ABCC1: variants seen among roughly 807,000 people sequenced by gnomAD.
The protein encoded by ABCC1 is ATP binding cassette subfamily C member 1 (ABCC1 blood group).
Under a neutral mutation model 172.9 loss-of-function variants are expected in ABCC1, and 83 were observed. That is an observed-to-expected ratio of 0.48 (90% CI 0.40 to 0.58). The LOEUF is 0.58. Ranked by LOEUF, ABCC1 falls within the 20% of genes least tolerant of loss-of-function variation. The pLI is 0.00. For missense variants in ABCC1, 1,817 were observed against 2,002.7 expected, an observed-to-expected ratio of 0.91 and a Z score of 1.77; for synonymous variants, 937 against 825.2, an observed-to-expected ratio of 1.14 and a Z score of -2.32.
intron 12 of ABCC1, among the ~76,000 whole-genome samples, chr16:16,058,635 CTTG>C (rs900825138): frequency 3.3e-5 from 5 of 152,196 alleles, no homozygotes; most frequent in Non-Finnish European, 7.4e-5. Flanking sequence ...ACCTGGAGAG[CTTG>C]TTATTATATT....
At chr16:16,117,010 C>T (rs1019601129) in intron 23 of ABCC1, among the ~76,000 whole-genome samples, 2 of 152,084 alleles carry the variant, frequency 1.3e-5, no homozygotes, top group African/African-American at 4.8e-5. Context: ...TGATTCACAC[C>T]GCGGATGGGA....
intron 5 of ABCC1, among the ~76,000 whole-genome samples, chr16:16,020,147 C>T (rs2048144866): frequency 6.6e-6 from 1 of 152,198 alleles, no homozygotes; most frequent in Non-Finnish European, 1.5e-5. Flanking sequence ...GTCTCGATCT[C>T]CTGACTTCAA....
At chr16:16,022,542 A>G (rs1172548110) in intron 5 of ABCC1, among the ~76,000 whole-genome samples, 3 of 152,098 alleles carry the variant, frequency 2.0e-5, no homozygotes, top group Non-Finnish European at 4.4e-5. Flanking sequence ...GGAATGCTCG[A>G]CATCCCCCGG....
chr16:16,035,221 G>A (rs1025164342), intron 6 of ABCC1, among the ~76,000 whole-genome samples: 11 of 152,114 alleles, frequency 7.2e-5, no homozygotes, highest in African/African-American at 2.7e-4. Flanking sequence ...GGCCTACATG[G>A]TGAAACCCTG....
intron 1 of ABCC1, among the ~76,000 whole-genome samples, chr16:15,963,579 T>C (rs187589823): frequency 6.6e-6 from 1 of 152,334 alleles, no homozygotes; most frequent in East Asian, 1.9e-4. Flanking sequence ...ACCTCAGTTC[T>C]TTAGTTCTAT....
At chr16:15,987,853 T>C (rs2046776361) in intron 1 of ABCC1, among the ~76,000 whole-genome samples, 1 of 152,250 alleles carries the variant, frequency 6.6e-6, no homozygotes, top group Admixed American at 6.5e-5. Flanking sequence ...ATGCCAGGCC[T>C]GGTCTGACTT....
intron 20 of ABCC1, among the ~76,000 whole-genome samples, chr16:16,106,014 C>T (rs1199825306): frequency 6.6e-6 from 1 of 151,688 alleles, no homozygotes; most frequent in Non-Finnish European, 1.5e-5. Flanking sequence ...GTAGTTGGGA[C>T]TGCAGGTGCA....
At position 16,074,546 on chromosome 16, in the gene ABCC1, C is replaced by T. The variant is rs916975663; in HGVS notation, c.1913-1780C>T. Among the ~76,000 whole-genome samples the T allele has an allele frequency of 3.5e-4, 53 of 152,160 alleles. 1 individual carries two copies. The highest frequency in any genetic ancestry group is 8.5e-4 in the Admixed American group (13 of 15,272). On this transcript the variant is annotated intron_variant, in intron 14 of 30. Coordinates refer to ENST00000399410, the MANE Select transcript of ABCC1 (RefSeq NM_004996.4). ...AACCCCTAGGCCCCTGGGTGCCGCC[C>T]GCACCCCAGCCCCTCCTTCCTGCCC...
rs530691698 is a variant in ABCC1, at chr16:16,038,412, C to A, written c.809+1809C>A. On this transcript the variant is annotated intron_variant, in intron 7 of 30. Coordinates refer to ENST00000399410, the MANE Select transcript of ABCC1 (RefSeq NM_004996.4). ...AGAACCTGGAGTCATTGGGTAAGTC[C>A]CAGAGGCCAGAAATCCTGGAGTTCT... 7.2e-5 allele frequency among the ~76,000 whole-genome samples: 11 copies of A among 152,208 alleles called. No individual in the cohort carries two copies. In the South Asian group the frequency reaches 2.3e-3, roughly 32 times the overall value.
rs547323287 is a variant in ABCC1 at position 16,037,837 on chromosome 16, A to G, written c.809+1234A>G. Reference sequence around the variant, plus strand: ...TCCATGTGCCAGCCACTAGGACATCAGCAGAGGACCTCGTGACTCCGGTCG... The same window carrying G: ...TCCATGTGCCAGCCACTAGGACATCGGCAGAGGACCTCGTGACTCCGGTCG... On this transcript the variant is annotated intron_variant, in intron 7 of 30. Coordinates refer to ENST00000399410, the MANE Select transcript of ABCC1 (RefSeq NM_004996.4). Among the ~76,000 whole-genome samples the G allele has an allele frequency of 1.4e-4, 22 of 152,350 alleles. No homozygotes were observed. The East Asian group carries it at 4.3e-3, about 29-fold the overall frequency.
At chr16:16,057,652 A>G (rs910936582) in intron 12 of ABCC1, among the ~76,000 whole-genome samples, 1 of 152,208 alleles carries the variant, frequency 6.6e-6, no homozygotes, top group Non-Finnish European at 1.5e-5. Flanking sequence ...ATGGACAAGC[A>G]TATAGGTATT....
intron 5 of ABCC1, among the ~76,000 whole-genome samples, chr16:16,030,208 G>A (rs200231460): frequency 3.9e-5 from 6 of 152,060 alleles, no homozygotes; most frequent in South Asian, 2.1e-4. Context: ...TATTTCCAGC[G>A]TCAATATGAA....
At chr16:16,135,502 A>G (rs1316532124) in intron 28 of ABCC1, among the ~76,000 whole-genome samples, 2 of 151,884 alleles carry the variant, frequency 1.3e-5, no homozygotes, top group African/African-American at 4.8e-5. Context: ...TCACTCTGTC[A>G]CCCAGTGCAG....
At chr16:15,962,946 A>T (rs1237302722) in intron 1 of ABCC1, among the ~76,000 whole-genome samples, 1 of 152,192 alleles carries the variant, frequency 6.6e-6, no homozygotes, top group East Asian at 1.9e-4. Context: ...TTCAGCATTA[A>T]CTCAAAAGTC....
intron 1 of ABCC1, among the ~76,000 whole-genome samples, chr16:15,999,813 T>TCTCTCTCTC (rs2047209074): frequency 2.7e-4 from 15 of 55,110 alleles, no homozygotes; most frequent in African/African-American, 9.0e-4. Flanking sequence ...CTCTCTCCTC[T>TCTCTCTCTC]CTCTCTCTCT....
At chr16:16,061,391 A>G (rs537315684) in intron 12 of ABCC1, among the ~76,000 whole-genome samples, 1 of 152,360 alleles carries the variant, frequency 6.6e-6, no homozygotes, top group African/African-American at 2.4e-5. Context: ...CCTGGACTGC[A>G]CATTGCAGGA....
intron 10 of ABCC1, among the ~76,000 whole-genome samples, chr16:16,051,260 C>G (rs2049417885): frequency 6.6e-6 from 1 of 151,690 alleles, no homozygotes; most frequent in African/African-American, 2.4e-5. Flanking sequence ...GCCTTGAATT[C>G]TTGGCCTCAA....
At chr16:16,042,313 C>T (rs1396244323) in intron 7 of ABCC1, among the ~76,000 whole-genome samples, 1 of 151,934 alleles carries the variant, frequency 6.6e-6, no homozygotes, top group East Asian at 1.9e-4. Flanking sequence ...TTTGTGATAA[C>T]CCAAACTGGA....
At chr16:16,135,223 T>TG (rs2152155618) in intron 28 of ABCC1, among the ~76,000 whole-genome samples, 1 of 152,288 alleles carries the variant, frequency 6.6e-6, no homozygotes, top group Non-Finnish European at 1.5e-5. Flanking sequence ...GTGGGTATAT[T>TG]GTGTGATGCT....
Sources: gnomAD v4.1 joint callset for allele counts (sites outside exome capture counted in the v4.1 genomes callset) on GRCh38, gnomAD v4.1.1 for gene constraint, MANE v1.5 for transcripts, NCBI Gene and HGNC (gene_info 2026-07-23, HGNC 2026-07-21) for gene names.